Variants in USP34 observed in about 807,000 individuals in gnomAD.
USP34 encodes the protein ubiquitin specific peptidase 34, also known as ubiquitin carboxyl-terminal hydrolase 34.
USP34 carries 70 observed loss-of-function variants against 460.3 expected under a neutral mutation model. The ratio of observed to expected loss-of-function variants is 0.15; its 90% CI spans 0.13 to 0.19. USP34 has a LOEUF of 0.19. Ranked by LOEUF, USP34 falls within the 10% of genes least tolerant of loss-of-function variation. USP34 has a pLI of 1.00. For missense variants in USP34, 3,985 were observed against 4,236.2 expected (o/e 0.94, Z 1.65); for synonymous variants, 1,647 against 1,405.3 (o/e 1.17, Z -3.85).
At chr2:61,318,424 A>C (rs939679231) in intron 22 of USP34, among the ~76,000 whole-genome samples, 5 of 152,174 alleles carry the variant, frequency 3.3e-5, no homozygotes, top group Admixed American at 2.6e-4. Context: ...TTAAGATGGC[A>C]AAAGTTATAT....
chr2:61,313,343 T>C (rs17039811), intron 25 of USP34, among the ~76,000 whole-genome samples: 24,108 of 152,060 alleles, frequency 0.16, 2,306 homozygotes, highest in South Asian at 0.37. Context: ...AACAAATACA[T>C]TTTTAAAGAC....
At position 61,295,289 on chromosome 2, in the gene USP34, C is replaced by G; in HGVS notation, c.4256G>C (p.Ser1419Thr). 3 of 1,584,364 alleles carry G rather than the reference C, an allele frequency of 1.9e-6. No individual in the cohort carries two copies. The highest frequency in any genetic ancestry group is 1.7e-6 in the Non-Finnish European group (2 of 1,169,074). The change falls in exon 31 of 80, where the codon AGT becomes ACT. Residue 1419 changes from serine (S) to threonine (T), a missense_variant and splice_region_variant. Ser to Thr is a moderately conservative substitution (Grantham distance 58). Around this residue, in one of 14 missense-constraint regions of USP34, gnomAD observed 1,114 missense variants for 1,122.5 expected, o/e 0.99. Transcript: ENST00000398571. The part of the protein sequence containing the change: ...MAFQNISDEQ[S>T]NDGFNWKELL... ...TTCTTTCCAATTAAATCCATCATTACTCTTAAATTAGAAAAACATGTTTCT... is the reference window on the plus strand; with the variant it reads ...TTCTTTCCAATTAAATCCATCATTAGTCTTAAATTAGAAAAACATGTTTCT...
At chr2:61,343,178 A>G (rs1001557666) in intron 16 of USP34, among the ~76,000 whole-genome samples, 2 of 152,230 alleles carry the variant, frequency 1.3e-5, no homozygotes. Flanking sequence ...CAACCAAACA[A>G]GAGGTTTAAG....
At chr2:61,216,603 AAAC>A (rs1335122352) in intron 67 of USP34, among the ~76,000 whole-genome samples, 1 of 151,156 alleles carries the variant, frequency 6.6e-6, no homozygotes, top group Non-Finnish European at 1.5e-5. Flanking sequence ...CCATCTCAAA[AAAC>A]AACAAAAAAC....
At chr2:61,447,843 G>A (rs1420970869) in intron 1 of USP34, among the ~76,000 whole-genome samples, 2 of 152,108 alleles carry the variant, frequency 1.3e-5, no homozygotes, top group African/African-American at 4.8e-5. Flanking sequence ...AGCCTCCCAA[G>A]TAGTTGGGAT....
rs1164994348 is a variant in USP34, at chr2:61,188,461, A to G, written c.10282T>C (p.Ser3428Pro). The G allele has an allele frequency of 6.2e-7, 1 of 1,614,096 alleles. No individual in the cohort carries two copies. The highest frequency in any genetic ancestry group is 1.3e-5 in the African/African-American group (1 of 74,932). ...TCTGCATGCTGTGACCTGATATTTG[A>G]CATGTCTTCTGAAAACGAAGATGGA... ...EVPSSFSEDMSNIRSQHAEEQ... is the reference protein window; with the variant it reads ...EVPSSFSEDMPNIRSQHAEEQ... The change falls in exon 80 of 80, where the codon TCA becomes CCA. Residue 3428 changes from serine (S) to proline (P), a missense_variant. Ser to Pro is a moderately conservative substitution (Grantham distance 74). This residue lies in a region of USP34 where 506 missense variants were observed against 439.0 expected (regional missense o/e 1.15). Transcript: ENST00000398571.
At chr2:61,255,550 T>C (rs62152266) in intron 48 of USP34, among the ~76,000 whole-genome samples, 18,031 of 152,262 alleles carry the variant, frequency 0.12, 1,247 homozygotes, top group Non-Finnish European at 0.15. Flanking sequence ...ACAGCATCTA[T>C]TGCAAAGAAA....
intron 5 of USP34, among the ~76,000 whole-genome samples, chr2:61,389,713 T>C (rs1179442347): frequency 6.6e-6 from 1 of 152,170 alleles, no homozygotes; most frequent in Non-Finnish European, 1.5e-5. Flanking sequence ...GCATATGCTA[T>C]TAATCCTACA....
intron 21 of USP34, among the ~76,000 whole-genome samples, 167 bp downstream of exon 21, chr2:61,325,208 G>T (rs142737873): frequency 6.6e-6 from 1 of 150,878 alleles, no homozygotes; most frequent in Non-Finnish European, 1.5e-5. Flanking sequence ...CGCAATACTG[G>T]TAGGGATTTG....
At chr2:61,222,903 C>T in intron 64 of USP34, 157 bp downstream of exon 64, 1 of 723,330 alleles carries the variant, frequency 1.4e-6, no homozygotes, top group Non-Finnish European at 2.2e-6. Flanking sequence ...CACTATGTTG[C>T]CTAGGCTGGT....
intron 32 of USP34, among the ~76,000 whole-genome samples, chr2:61,294,088 G>A (rs1689945142): frequency 6.6e-6 from 1 of 152,112 alleles, no homozygotes; most frequent in Non-Finnish European, 1.5e-5. Context: ...GCTCACGCCT[G>A]TAATCCCAGC....
intron 1 of USP34, among the ~76,000 whole-genome samples, chr2:61,470,204 T>C (rs1695906565): frequency 6.6e-6 from 1 of 152,058 alleles, no homozygotes; most frequent in Non-Finnish European, 1.5e-5. Context: ...TAATGAAAAT[T>C]AGCAGGTAAG....
At chr2:61,350,468 A>T in intron 11 of USP34, 79 bp from the exon 12 acceptor site, 1 of 1,568,082 alleles carries the variant, frequency 6.4e-7, no homozygotes, top group Non-Finnish European at 8.6e-7. Context: ...TGTCAAACTG[A>T]AATGCCAAGA....
intron 23 of USP34, among the ~76,000 whole-genome samples, chr2:61,315,628 G>C (rs1690720743): frequency 6.6e-6 from 1 of 151,960 alleles, no homozygotes; most frequent in Non-Finnish European, 1.5e-5. Flanking sequence ...ACCCGCCTCA[G>C]CCTCTCAAAG....
chr2:61,291,963 G>GATTCAGCTGTGACTGAACAA (rs1689867936), intron 33 of USP34, among the ~76,000 whole-genome samples: 4 of 152,116 alleles, frequency 2.6e-5, no homozygotes, highest in African/African-American at 9.7e-5. Context: ...AGTCACGATG[G>GATTCAGCTGTGACTGAACAA]ACCATATATT....
Position 61,190,492 on chromosome 2 carries a change from C to T in USP34, c.9729+26G>A, listed in dbSNP as rs755754417. 4 of 1,607,974 alleles carry T rather than the reference C, an allele frequency of 2.5e-6. No individual in the cohort carries two copies. The South Asian group carries it at 4.4e-5, about 18-fold the overall frequency. ...AAGCATTAACTAATTAGAAATGACA[C>T]ACTGAGTTTCCAAAGTACTACGTAC... On this transcript the variant is annotated intron_variant, in intron 77 of 79. Transcript: ENST00000398571.
At chr2:61,327,817 T>C (rs1486578561) in intron 20 of USP34, among the ~76,000 whole-genome samples, 1 of 152,166 alleles carries the variant, frequency 6.6e-6, no homozygotes, top group Non-Finnish European at 1.5e-5. Context: ...GGTATCAATA[T>C]TGACAAATTC....
chr2:61,199,262 CTTTT>C (rs984645540), intron 75 of USP34, among the ~76,000 whole-genome samples: 1 of 147,460 alleles, frequency 6.8e-6, no homozygotes, highest in Non-Finnish European at 1.5e-5. Context: ...CAATTAAGTC[CTTTT>C]TTTTTTGAGA....
chr2:61,339,706 C>G, intron 16 of USP34, 25 bp from the exon 17 acceptor site: 4 of 1,154,714 alleles, frequency 3.5e-6, no homozygotes, highest in African/African-American at 1.6e-5. Flanking sequence ...AAAAAAAAGA[C>G]ACACTATAGA....
Sources: gnomAD v4.1 joint callset for allele counts (sites outside exome capture counted in the v4.1 genomes callset) on GRCh38, gnomAD v4.1.1 for gene constraint, gnomAD v4.1.1 regional missense constraint, MANE v1.5 for transcripts, NCBI Gene and HGNC (gene_info 2026-07-23, HGNC 2026-07-21) for gene names.